ARHGEF37: variants seen among roughly 807,000 people sequenced by gnomAD.
ARHGEF37 encodes the protein Rho guanine nucleotide exchange factor (GEF) 37.
A neutral mutation model predicts 71.1 loss-of-function variants in ARHGEF37; 55 were observed. The ratio of observed to expected loss-of-function variants is 0.77; its 90% CI spans 0.62 to 0.97. The LOEUF (loss-of-function observed/expected upper bound fraction) is 0.97, where lower values mean the gene tolerates loss of function less well. ARHGEF37 is among the 50% of genes least tolerant of loss of function. The pLI, the probability that ARHGEF37 is intolerant of heterozygous loss-of-function variation, is 0.00. For synonymous variants in ARHGEF37, 327 were observed against 350.6 expected, an observed-to-expected ratio of 0.93 and a Z score of 0.75; for missense variants, 765 against 836.8, an observed-to-expected ratio of 0.91 and a Z score of 1.06.
At chr5:149,627,309 G>A (rs762095096) in intron 11 of ARHGEF37, 38 bp downstream of exon 11, 18 of 1,594,076 alleles carry the variant, frequency 1.1e-5, no homozygotes, top group Middle Eastern at 1.9e-4. Context: ...CTCCTTCGGG[G>A]AAAACCACCC....
intron 9 of ARHGEF37, 125 bp downstream of exon 9, chr5:149,622,187 CT>C: frequency 2.1e-6 from 2 of 949,830 alleles, no homozygotes; most frequent in Non-Finnish European, 3.1e-6. Context: ...TCATCAGGCC[CT>C]TAGGAAGAGG....
At position 149,634,376 on chromosome 5, in the gene ARHGEF37, C is replaced by T. The variant is rs571586799; in HGVS notation, c.*2185C>T. 1 of 152,230 alleles carries T rather than the reference C, an allele frequency of 6.6e-6. No homozygotes were observed. Among genetic ancestry groups the T allele is most frequent in the Non-Finnish European group, 1.5e-5 (1 of 68,034 alleles). The allele number at this position is 152,230 out of a possible 1,614,324, so 9.4% of individuals were successfully genotyped here. On this transcript the variant is annotated 3_prime_UTR_variant, in exon 13 of 13. Coordinates refer to ENST00000333677, the MANE Select transcript of ARHGEF37 (RefSeq NM_001001669.3). The stretch of plus-strand genomic sequence containing the variant: ...GTGTGAAAGGGGACAGCCTGTTCTG[C>T]CAGGTCTCAGAATGTATATTTATTA...
intron 1 of ARHGEF37, among the ~76,000 whole-genome samples, chr5:149,587,171 T>G (rs763324142): frequency 6.6e-6 from 1 of 152,190 alleles, no homozygotes; most frequent in Non-Finnish European, 1.5e-5. Context: ...TGCCATCATT[T>G]CAGTCTCTCT....
At chr5:149,625,078 A>G (rs1752646584) in intron 10 of ARHGEF37, among the ~76,000 whole-genome samples, 1 of 151,780 alleles carries the variant, frequency 6.6e-6, no homozygotes, top group Non-Finnish European at 1.5e-5. Flanking sequence ...TTGTATTTTT[A>G]GTAGAGAGGG....
intron 1 of ARHGEF37, among the ~76,000 whole-genome samples, chr5:149,596,629 T>A (rs1763555327): frequency 6.6e-6 from 1 of 152,084 alleles, no homozygotes. Context: ...AAGTTAGAGA[T>A]AAAGGATTGC....
At chr5:149,573,943 T>C (rs912990779) in intron 1 of ARHGEF37, among the ~76,000 whole-genome samples, 5 of 152,250 alleles carry the variant, frequency 3.3e-5, no homozygotes, top group African/African-American at 4.8e-5. Context: ...TTGATAGTTA[T>C]ATGGGCTATT....
chr5:149,593,480 A>G (rs556681082), intron 1 of ARHGEF37, among the ~76,000 whole-genome samples: 1 of 152,322 alleles, frequency 6.6e-6, no homozygotes, highest in African/African-American at 2.4e-5. Flanking sequence ...AGATTCATTC[A>G]TGTTGTAGAA....
intron 9 of ARHGEF37, among the ~76,000 whole-genome samples, chr5:149,622,587 G>T (rs1752577640): frequency 6.6e-6 from 1 of 152,132 alleles, no homozygotes; most frequent in South Asian, 2.1e-4. Context: ...AAGAAGCCAA[G>T]GCACGGAGAG....
At chr5:149,585,554 G>A (rs1349810671) in intron 1 of ARHGEF37, among the ~76,000 whole-genome samples, 1 of 152,204 alleles carries the variant, frequency 6.6e-6, no homozygotes, top group African/African-American at 2.4e-5. Context: ...TTCTTGCTCT[G>A]TTGCCCAGGC....
At chr5:149,598,308 T>G (rs1763620666) in intron 2 of ARHGEF37, among the ~76,000 whole-genome samples, 3 of 150,134 alleles carry the variant, frequency 2.0e-5, no homozygotes, top group Non-Finnish European at 4.4e-5. Context: ...CTTCTTCTTC[T>G]TCTTCTTCTT....
intron 3 of ARHGEF37, among the ~76,000 whole-genome samples, chr5:149,601,609 G>A (rs1763758417): frequency 6.6e-6 from 1 of 152,228 alleles, no homozygotes; most frequent in East Asian, 1.9e-4. Flanking sequence ...TCATGGGGTT[G>A]ACAAGTTAGT....
chr5:149,624,647 A>C (rs1728108916), intron 10 of ARHGEF37, among the ~76,000 whole-genome samples: 1 of 65,324 alleles, frequency 1.5e-5, no homozygotes, highest in Non-Finnish European at 3.2e-5. Context: ...GGTGGTGTGC[A>C]CCTCCCAGCT....
upstream of ARHGEF37, among the ~76,000 whole-genome samples, chr5:149,578,027 G>A (rs1432462300): frequency 2.6e-5 from 4 of 152,236 alleles, no homozygotes; most frequent in African/African-American, 9.6e-5. Flanking sequence ...GAGCCTGAAT[G>A]GCAGGGCCAG....
intron 1 of ARHGEF37, among the ~76,000 whole-genome samples, chr5:149,595,903 C>T (rs1763531287): frequency 6.6e-6 from 1 of 151,754 alleles, no homozygotes; most frequent in African/African-American, 2.4e-5. Context: ...AGAACCCAAG[C>T]CAGGATGAAC....
At chr5:149,623,125 C>A (rs959646810) in intron 9 of ARHGEF37, among the ~76,000 whole-genome samples, 2 of 152,270 alleles carry the variant, frequency 1.3e-5, no homozygotes, top group Middle Eastern at 3.4e-3. Flanking sequence ...CTTTCAGTGT[C>A]TGGCATAGAG....
intron 1 of ARHGEF37, among the ~76,000 whole-genome samples, chr5:149,554,927 T>C (rs1762732735): frequency 6.6e-6 from 1 of 151,942 alleles, no homozygotes; most frequent in Non-Finnish European, 1.5e-5. Flanking sequence ...GGTCAGGAGT[T>C]CGAGACCAGC....
At chr5:149,598,742 ATATATAT>A (rs1763651232) in intron 2 of ARHGEF37, among the ~76,000 whole-genome samples, 3 of 75,546 alleles carry the variant, frequency 4.0e-5, no homozygotes, top group Non-Finnish European at 8.1e-5. Context: ...AATCTCATAT[ATATATAT>A]CTATATATAG....
At chr5:149,570,140 A>AT (rs1268430713) in intron 1 of ARHGEF37, among the ~76,000 whole-genome samples, 1 of 152,232 alleles carries the variant, frequency 6.6e-6, no homozygotes, top group African/African-American at 2.4e-5. Flanking sequence ...GATTTTGTAC[A>AT]TAGGAAATCA....
At chr5:149,620,778 C>G (rs1435294835) in intron 8 of ARHGEF37, among the ~76,000 whole-genome samples, 1 of 151,604 alleles carries the variant, frequency 6.6e-6, no homozygotes, top group Non-Finnish European at 1.5e-5. Context: ...TTGCAGTGAG[C>G]CGAGATCATG....
Sources: gnomAD v4.1 joint callset for allele counts (sites outside exome capture counted in the v4.1 genomes callset) on GRCh38, gnomAD v4.1.1 for gene constraint, MANE v1.5 for transcripts, NCBI Gene and HGNC (gene_info 2026-07-23, HGNC 2026-07-21) for gene names.